Variants in ZNF77 observed in about 807,000 individuals in gnomAD.
ZNF77 encodes ZNFpT1.
A neutral mutation model predicts 13.5 loss-of-function variants in ZNF77; 15 were observed. The observed-to-expected ratio is 1.11, with a 90% CI of 0.74 to 1.71. The LOEUF is 1.71. ZNF77 is among the 40% of genes most tolerant of loss of function. The pLI is 0.00. For synonymous variants in ZNF77, 282 were observed against 250.0 expected, an observed-to-expected ratio of 1.13 and a Z score of -1.21; for missense variants, 717 against 676.4, an observed-to-expected ratio of 1.06 and a Z score of -0.67.
chr19:2,944,576 G>A (rs2088479352), intron 1 of ZNF77, among the ~76,000 whole-genome samples: 1 of 151,294 alleles, frequency 6.6e-6, no homozygotes, highest in Admixed American at 6.6e-5. Context: ...CACCTCTGCT[G>A]TCCCCACAAG....
At chr19:2,937,356 G>A (rs375406949) in intron 2 of ZNF77, among the ~76,000 whole-genome samples, 26 of 152,102 alleles carry the variant, frequency 1.7e-4, no homozygotes, top group Middle Eastern at 3.4e-3. Context: ...ATAGTGGCAC[G>A]TGCCTGTAAT....
intron 1 of ZNF77, among the ~76,000 whole-genome samples, chr19:2,942,982 A>T (rs1046976520): frequency 6.6e-6 from 1 of 152,096 alleles, no homozygotes; most frequent in African/African-American, 2.4e-5. Context: ...GGATTTCACC[A>T]TGTTGGCCAG....
chr19:2,935,300 G>C (rs2088386121), intron 3 of ZNF77, among the ~76,000 whole-genome samples: 1 of 147,380 alleles, frequency 6.8e-6, no homozygotes, highest in East Asian at 2.0e-4. Flanking sequence ...TTACAGGTGT[G>C]AGCCACCACA....
Position 2,933,735 on chromosome 19 carries a change from G to C in ZNF77, c.1392C>G (p.Tyr464Ter), listed in dbSNP as rs139846934. Residue 464 changes from tyrosine to a stop codon, truncating the protein, a stop_gained, in exon 4 of 4, where the codon TAC becomes TAG. Transcript: ENST00000314531. LOFTEE classifies it low-confidence loss of function (END_TRUNC). Reference sequence around the variant, plus strand: ...AGGCTTTCCCACATTGATTACATTCGTACGGTTTCTCTCCGCTGTGGGTTC... The same window carrying C: ...AGGCTTTCCCACATTGATTACATTCCTACGGTTTCTCTCCGCTGTGGGTTC... ...HVRTHSGEKP[Y>*]ECNQCGKAFS... 1 of 1,612,382 alleles carries C rather than the reference G, an allele frequency of 6.2e-7. No homozygotes were observed. Among genetic ancestry groups the C allele is most frequent in the Admixed American group, 1.7e-5 (1 of 59,948 alleles).
rs1322700174 is a variant in ZNF77 at position 2,933,478 on chromosome 19, T to C, written c.*11A>G. ...GTTGAACACTCTCCCAGGTCCACTG[T>C]ATTCGTAGATTCACGCTCCAGCATG... is the stretch of plus-strand genomic sequence containing the variant. On this transcript the variant is annotated 3_prime_UTR_variant, in exon 4 of 4. Transcript: ENST00000314531. 5 of 1,544,202 alleles carry C rather than the reference T, an allele frequency of 3.2e-6. No homozygotes were observed. Among genetic ancestry groups the C allele is most frequent in the Non-Finnish European group, 4.4e-6 (5 of 1,143,312 alleles).
chr19:2,936,732 A>C (rs1432148430), intron 2 of ZNF77, 28 bp from the exon 3 acceptor site: 1 of 1,579,950 alleles, frequency 6.3e-7, no homozygotes, highest in Admixed American at 1.9e-5. Context: ...ACAATTTCTT[A>C]GGAGAAATAT....
In ZNF77 at chr19:2,944,948, G is replaced by T. The variant is rs1371511421; in HGVS notation, c.-108C>A. 2 of 1,386,540 alleles carry T rather than the reference G, an allele frequency of 1.4e-6. No homozygotes were observed. Among genetic ancestry groups the T allele is most frequent in the Non-Finnish European group, 1.9e-6 (2 of 1,051,844 alleles). The allele number at this position is 1,386,540 out of a possible 1,614,324, so 85.9% of individuals were successfully genotyped here. ...CCGCTCGGGGTAGGCGGGGAAGCGC[G>T]CAAGGCAGAGGGGAACTCGGCTTAC... On this transcript the variant is annotated 5_prime_UTR_variant, in exon 1 of 4. Coordinates refer to ENST00000314531, the MANE Select transcript of ZNF77 (RefSeq NM_021217.3).
chr19:2,937,707 G>A (rs2088410196), intron 2 of ZNF77, among the ~76,000 whole-genome samples: 1 of 151,778 alleles, frequency 6.6e-6, no homozygotes, highest in Admixed American at 6.6e-5. Context: ...GGGCAGCTGA[G>A]AGAGGACACA....
chr19:2,938,903 C>T (rs1489173505), intron 2 of ZNF77, among the ~76,000 whole-genome samples: 1 of 151,836 alleles, frequency 6.6e-6, no homozygotes, highest in Non-Finnish European at 1.5e-5. Flanking sequence ...TTGCAGTGAG[C>T]CGAGATCGTG....
rs1412961264 is a variant in ZNF77 at position 2,944,764 on chromosome 19, G to C, written c.3+74C>G. 3.4e-6 allele frequency: 5 copies of C among 1,467,512 alleles called. No homozygotes were observed. In the African/African-American group the frequency reaches 7.4e-5, roughly 22 times the overall value. 90.9% of individuals were successfully genotyped at this position (1,467,512 alleles called of 1,614,324 possible). A position where few individuals can be genotyped will look rare whatever the true frequency, so the allele number is the denominator to read the frequency against. ...GCGTCCCTCAGCTTTCTCCGGCTGCGAACTCGGGCGGAAGCCGGTTCCTGC... is the reference window on the plus strand; with the variant it reads ...GCGTCCCTCAGCTTTCTCCGGCTGCCAACTCGGGCGGAAGCCGGTTCCTGC... On this transcript the variant is annotated intron_variant, in intron 1 of 3. Coordinates refer to ENST00000314531, the MANE Select transcript of ZNF77 (RefSeq NM_021217.3).
intron 1 of ZNF77, among the ~76,000 whole-genome samples, chr19:2,943,177 T>C (rs1285312057): frequency 6.6e-6 from 1 of 151,926 alleles, no homozygotes; most frequent in Non-Finnish European, 1.5e-5. Context: ...CGCAGCTCAA[T>C]CATCAACTGT....
At chr19:2,939,589 G>A (rs569013107) in intron 1 of ZNF77, 182 bp from the exon 2 acceptor site, 4 of 745,682 alleles carry the variant, frequency 5.4e-6, no homozygotes, top group African/African-American at 5.2e-5. Context: ...CCAACAGGGA[G>A]CAAAGCGCAA....
At position 2,933,450 on chromosome 19, in the gene ZNF77, A is replaced by G; in HGVS notation, c.*39T>C. On this transcript the variant is annotated 3_prime_UTR_variant, in exon 4 of 4. Transcript: ENST00000314531. The stretch of plus-strand genomic sequence containing the variant: ...TTTCTCACATTTACAACAAGGTTTT[A>G]CGGTTGAACACTCTCCCAGGTCCAC... The G allele has an allele frequency of 2.0e-6, 3 of 1,506,010 alleles. No individual in the cohort carries two copies. The highest frequency in any genetic ancestry group is 2.7e-6 in the Non-Finnish European group (3 of 1,128,414). 93.3% of individuals were successfully genotyped at this position (1,506,010 alleles called of 1,614,324 possible).
At chr19:2,943,645 G>A (rs962698400) in intron 1 of ZNF77, among the ~76,000 whole-genome samples, 13 of 150,760 alleles carry the variant, frequency 8.6e-5, no homozygotes, top group Non-Finnish European at 1.9e-4. Flanking sequence ...GGCAGGTTTC[G>A]GAGGCTGGGG....
chr19:2,934,802 T>G lies in ZNF77; in HGVS notation c.325A>C (p.Arg109=), dbSNP rs778770376. ...TGACCTTCATTACTTTCACAGAGTC[T>G]CCCCAGCTGACTTCTGTTCAAAATG... ...PQRHLRSQLG[R]LCESNEGHQC... is the part of the protein sequence containing the mutation. The change falls in exon 4 of 4, where the codon AGA becomes CGA. Residue 109 remains arginine (R), a synonymous_variant. Transcript: ENST00000314531. 1.9e-6 allele frequency: 3 copies of G among 1,604,692 alleles called. No homozygotes were observed. Among genetic ancestry groups the G allele is most frequent in the Non-Finnish European group, 2.6e-6 (3 of 1,172,842 alleles).
In ZNF77 at chr19:2,934,491, A is replaced by G. The variant is rs774984688; in HGVS notation, c.636T>C (p.Tyr212=). The G allele has an allele frequency of 2.5e-6, 4 of 1,614,224 alleles. No homozygotes were observed. The highest frequency in any genetic ancestry group is 1.1e-5 in the South Asian group (1 of 91,080). The part of the protein sequence containing the change: ...YVKSLSSKKS[Y]ECQKCGKAFI... ...AAGCTTTTCCACATTTCTGACATTC[A>G]TAAGACTTTTTACTGCTGAGACTTT... Residue 212 remains tyrosine (Y), a synonymous_variant, in exon 4 of 4, where the codon TAT becomes TAC. Transcript: ENST00000314531.
intron 3 of ZNF77, 64 bp downstream of exon 3, chr19:2,936,460 T>G: frequency 6.7e-7 from 1 of 1,495,058 alleles, no homozygotes; most frequent in Non-Finnish European, 8.9e-7. Flanking sequence ...ATACTTTTCT[T>G]TGAATTGCAA....
At chr19:2,938,355 C>T (rs182114686) in intron 2 of ZNF77, among the ~76,000 whole-genome samples, 11 of 152,288 alleles carry the variant, frequency 7.2e-5, no homozygotes, top group Admixed American at 2.0e-4. Flanking sequence ...CCATGTCAAA[C>T]GTGGATTACT....
Position 2,934,730 on chromosome 19 carries a change from T to A in ZNF77, c.397A>T (p.Lys133Ter). Residue 133 changes from lysine (K) to a stop codon, truncating the protein, a stop_gained, in exon 4 of 4, where the codon AAG becomes TAG. Transcript: ENST00000314531. LOFTEE classifies it low-confidence loss of function (END_TRUNC). ...GGTTTAGCTTCGGTAGGGTAACTCT[T>A]GTGCACAAGAAGGTTCGCAGTCTGG... ...LSQTANLLVH[K>*]SYPTEAKPSE... The A allele has an allele frequency of 6.2e-7, 1 of 1,614,168 alleles. No individual in the cohort carries two copies. The highest frequency in any genetic ancestry group is 8.5e-7 in the Non-Finnish European group (1 of 1,180,026).
Sources: allele counts gnomAD v4.1 joint callset (sites outside exome capture counted in the v4.1 genomes callset), GRCh38; gene constraint gnomAD v4.1.1; transcripts MANE v1.5; gene names NCBI Gene and HGNC (gene_info 2026-07-23, HGNC 2026-07-21).